Variants in NRXN3 observed in about 807,000 individuals in gnomAD.
NRXN3 encodes neurexin III.
Under a neutral mutation model 137.6 loss-of-function variants are expected in NRXN3, and 32 were observed. The observed-to-expected ratio is 0.23, with a 90% CI of 0.18 to 0.31. The LOEUF (loss-of-function observed/expected upper bound fraction) is 0.31. Ranked by LOEUF, NRXN3 falls within the 10% of genes least tolerant of loss-of-function variation. The pLI, the probability that NRXN3 is intolerant of heterozygous loss-of-function variation, is 1.00. For synonymous variants in NRXN3, 798 were observed against 784.5 expected (o/e 1.02, Z -0.29); for missense variants, 1,574 against 2,062.5 (o/e 0.76, Z 4.59).
chr14:79,227,949 A>G (rs781257242), intron 15 of NRXN3, among the ~76,000 whole-genome samples: 1 of 151,958 alleles, frequency 6.6e-6, no homozygotes, highest in Non-Finnish European at 1.5e-5. Context: ...TGCCAGTGAC[A>G]TCTTTCCCCA....
At chr14:79,518,598 T>C (rs2097022910) in intron 16 of NRXN3, among the ~76,000 whole-genome samples, 1 of 152,156 alleles carries the variant, frequency 6.6e-6, no homozygotes. Flanking sequence ...TTGTTAATAG[T>C]AATCATTTTC....
chr14:78,272,270 C>T (rs1051405424), intron 2 of NRXN3, among the ~76,000 whole-genome samples: 1 of 152,170 alleles, frequency 6.6e-6, no homozygotes, highest in African/African-American at 2.4e-5. Flanking sequence ...TAGAAGCCCA[C>T]AACTCCTGCA....
intron 17 of NRXN3, among the ~76,000 whole-genome samples, chr14:79,680,266 T>A (rs1292894423): frequency 6.6e-6 from 1 of 152,002 alleles, no homozygotes; most frequent in African/African-American, 2.4e-5. Flanking sequence ...TCGCAGCTAT[T>A]TGGGCGGCTG....
chr14:79,286,622 G>C (rs2082307359), intron 15 of NRXN3, among the ~76,000 whole-genome samples: 1 of 150,224 alleles, frequency 6.7e-6, no homozygotes, highest in African/African-American at 2.4e-5. Context: ...TTGGGGAAAG[G>C]GTATACCTTT....
intron 19 of NRXN3, among the ~76,000 whole-genome samples, chr14:79,775,740 G>T (rs2099094982): frequency 6.6e-6 from 1 of 152,088 alleles, no homozygotes; most frequent in African/African-American, 2.4e-5. Flanking sequence ...AGACATTCTA[G>T]CCAACTCTGT....
intron 15 of NRXN3, among the ~76,000 whole-genome samples, chr14:79,335,554 C>T (rs533059769): frequency 6.6e-6 from 1 of 152,012 alleles, no homozygotes. Context: ...AGTGAGAAAG[C>T]TGTCCTAGAA....
chr14:78,983,162 T>C (rs1372081795), intron 14 of NRXN3, among the ~76,000 whole-genome samples: 2 of 152,124 alleles, frequency 1.3e-5, no homozygotes, highest in Admixed American at 1.3e-4. Context: ...TGGCAAAGGC[T>C]TGGAGAAAAG....
At chr14:78,709,160 G>T in intron 6 of NRXN3, 57 bp from the exon 7 acceptor site, 1 of 1,515,060 alleles carries the variant, frequency 6.6e-7, no homozygotes, top group South Asian at 1.3e-5. Flanking sequence ...AGTGAGTGAT[G>T]GATGGATACT....
In NRXN3 at chr14:78,261,808, G is replaced by C. The variant is rs564031905; in HGVS notation, c.710-16837G>C. 1.0e-3 allele frequency among the ~76,000 whole-genome samples: 156 copies of C among 152,238 alleles called. 1 individual carries two copies. Among genetic ancestry groups the C allele is most frequent in the Middle Eastern group, 0.01 (3 of 294 alleles). On this transcript the variant is annotated intron_variant, in intron 2 of 20. Transcript: ENST00000335750. ...TAGAACTCAAATATCCTAACTCCCA[G>C]CCTAGCACTCATTCTCCTACATCAC... is the stretch of plus-strand genomic sequence containing the variant.
chr14:78,954,753 C>T (rs1423361336), intron 10 of NRXN3, among the ~76,000 whole-genome samples: 1 of 150,334 alleles, frequency 6.7e-6, no homozygotes, highest in African/African-American at 2.5e-5. Context: ...GCGTGAGCCA[C>T]TGCACCTGGC....
chr14:78,712,364 A>C (rs1254237381), intron 7 of NRXN3, among the ~76,000 whole-genome samples: 3 of 152,238 alleles, frequency 2.0e-5, no homozygotes, highest in African/African-American at 7.2e-5. Flanking sequence ...TAAAATAGTT[A>C]AAATGGTAGC....
At chr14:79,087,340 T>C (rs1005907286) in intron 15 of NRXN3, among the ~76,000 whole-genome samples, 4 of 152,120 alleles carry the variant, frequency 2.6e-5, no homozygotes, top group Non-Finnish European at 5.9e-5. Context: ...GCTCTGGGTC[T>C]CTCCTTCAGC....
chr14:78,594,310 A>T (rs1407007053), intron 4 of NRXN3, among the ~76,000 whole-genome samples: 2 of 152,146 alleles, frequency 1.3e-5, no homozygotes, highest in Admixed American at 1.3e-4. Flanking sequence ...TGGCTGGCTC[A>T]CATGGCAGGG....
intron 4 of NRXN3, among the ~76,000 whole-genome samples, chr14:78,356,525 C>A (rs905568616): frequency 2.6e-5 from 4 of 152,178 alleles, no homozygotes; most frequent in African/African-American, 9.6e-5. Flanking sequence ...TTGCATTCAC[C>A]CAGTCTCCCT....
At chr14:78,869,355 G>T (rs1157410452) in intron 10 of NRXN3, among the ~76,000 whole-genome samples, 1 of 151,782 alleles carries the variant, frequency 6.6e-6, no homozygotes, top group Non-Finnish European at 1.5e-5. Flanking sequence ...CTATTTCCAG[G>T]CATATCACTC....
chr14:78,406,471 C>G (rs1213250094), intron 4 of NRXN3, among the ~76,000 whole-genome samples: 1 of 152,166 alleles, frequency 6.6e-6, no homozygotes, highest in African/African-American at 2.4e-5. Context: ...TCTGTACCCT[C>G]TACTAAACAG....
chr14:79,470,947 AGAGAGTGTGTGT>A (rs1354648710), intron 16 of NRXN3, among the ~76,000 whole-genome samples: 1,435 of 102,628 alleles, frequency 0.014, 9 homozygotes, highest in South Asian at 0.022. Context: ...AGAAAGAGAG[AGAGAGTGTGTGT>A]GTGTGTGTGT....
At chr14:79,374,845 A>G (rs75143418) in intron 15 of NRXN3, among the ~76,000 whole-genome samples, 2,152 of 152,232 alleles carry the variant, frequency 0.014, 49 homozygotes, top group African/African-American at 0.049. Flanking sequence ...TTTGGTACCA[A>G]TTATGCAAGA....
intron 4 of NRXN3, among the ~76,000 whole-genome samples, chr14:78,419,944 TGC>T (rs1469709244): frequency 2.9e-4 from 5 of 17,214 alleles, no homozygotes; most frequent in Non-Finnish European, 9.6e-4. Flanking sequence ...TGCACGTGTG[TGC>T]GCGCGCGCGC....
Sources: gnomAD v4.1 joint callset for allele counts (sites outside exome capture counted in the v4.1 genomes callset) on GRCh38, gnomAD v4.1.1 for gene constraint, MANE v1.5 for transcripts, NCBI Gene and HGNC (gene_info 2026-07-23, HGNC 2026-07-21) for gene names.